SEC24B: variants seen among roughly 807,000 people sequenced by gnomAD.
SEC24B encodes SEC24 homolog B, COPII component.
A neutral mutation model predicts 142.8 loss-of-function variants in SEC24B; 45 were observed. The ratio of observed to expected loss-of-function variants is 0.32; its 90% CI spans 0.25 to 0.40. SEC24B has a LOEUF of 0.40. Ranked by LOEUF, SEC24B falls within the 10% of genes least tolerant of loss-of-function variation. The pLI, the probability that SEC24B is intolerant of heterozygous loss-of-function variation, is 1.00. For synonymous variants in SEC24B, 574 were observed against 568.2 expected (o/e 1.01, Z -0.15); for missense variants, 1,409 against 1,526.8 (o/e 0.92, Z 1.29).
rs760475621 is a variant in SEC24B at position 109,524,954 on chromosome 4, A to G, written c.2632+13A>G. Reference sequence around the variant, plus strand: ...CTTGCTTCTCTAGGTAAGGAAAGTCATCATGGGTACATTTGTTTAAATGAA... The same window carrying G: ...CTTGCTTCTCTAGGTAAGGAAAGTCGTCATGGGTACATTTGTTTAAATGAA... On this transcript the variant is annotated intron_variant, in intron 15 of 23. Coordinates refer to ENST00000265175, the MANE Select transcript of SEC24B (RefSeq NM_006323.5). 1.8e-5 allele frequency: 28 copies of G among 1,599,320 alleles called. No homozygotes were observed. In the Admixed American group the frequency reaches 4.9e-4, roughly 28 times the overall value.
At chr4:109,477,460 C>G (rs1733296197) in intron 3 of SEC24B, among the ~76,000 whole-genome samples, 1 of 151,948 alleles carries the variant, frequency 6.6e-6, no homozygotes. Flanking sequence ...TAGCTAAGGC[C>G]ACAGGCACAC....
chr4:109,534,455 C>T (rs953788789), intron 22 of SEC24B, among the ~76,000 whole-genome samples: 6 of 151,740 alleles, frequency 4.0e-5, no homozygotes, highest in East Asian at 1.9e-4. Flanking sequence ...AGCATGGTGG[C>T]GGGCGCCTGT....
intron 6 of SEC24B, among the ~76,000 whole-genome samples, chr4:109,503,966 TG>T (rs1736432855): frequency 6.6e-6 from 1 of 152,140 alleles, no homozygotes; most frequent in South Asian, 2.1e-4. Flanking sequence ...TTGGGTCTTT[TG>T]GGGGGTTTTC....
At chr4:109,508,706 G>A (rs953160301) in intron 7 of SEC24B, among the ~76,000 whole-genome samples, 5 of 152,186 alleles carry the variant, frequency 3.3e-5, no homozygotes, top group African/African-American at 9.6e-5. Flanking sequence ...CAAATAATTA[G>A]GAGTACAGGC....
chr4:109,500,744 C>G (rs1736046494), intron 6 of SEC24B, among the ~76,000 whole-genome samples: 1 of 151,978 alleles, frequency 6.6e-6, no homozygotes, highest in African/African-American at 2.4e-5. Context: ...ACCTCCACCT[C>G]CCGGGCTCAA....
chr4:109,493,941 A>G (rs574372313), intron 5 of SEC24B, among the ~76,000 whole-genome samples: 6 of 152,306 alleles, frequency 3.9e-5, no homozygotes, highest in African/African-American at 1.4e-4. Context: ...GCTACTGCAA[A>G]TAATGCATAT....
intron 4 of SEC24B, among the ~76,000 whole-genome samples, chr4:109,488,085 A>G (rs1305204567): frequency 6.6e-6 from 1 of 152,090 alleles, no homozygotes; most frequent in African/African-American, 2.4e-5. Context: ...TAGAATGCCC[A>G]TGATATTTTT....
intron 9 of SEC24B, among the ~76,000 whole-genome samples, chr4:109,512,800 T>C (rs1737498032): frequency 6.6e-6 from 1 of 151,790 alleles, no homozygotes. Context: ...TAGCTGAGAC[T>C]ACAGGCTTGC....
chr4:109,535,582 C>G (rs1266121531), intron 22 of SEC24B, among the ~76,000 whole-genome samples: 1 of 150,330 alleles, frequency 6.7e-6, no homozygotes, highest in African/African-American at 2.5e-5. Flanking sequence ...GGCGCGGTGG[C>G]TCATGCCTGT....
At chr4:109,443,486 C>G (rs186059969) in intron 1 of SEC24B, among the ~76,000 whole-genome samples, 1 of 152,264 alleles carries the variant, frequency 6.6e-6, no homozygotes, top group Admixed American at 6.5e-5. Flanking sequence ...AAGTGACCCT[C>G]CAACCTCTGC....
rs1327826163 is a variant in SEC24B at position 109,433,961 on chromosome 4, C to A, written c.92C>A (p.Pro31His). The A allele has an allele frequency of 1.6e-6, 2 of 1,233,866 alleles. No individual in the cohort carries two copies. The highest frequency in any genetic ancestry group is 2.0e-6 in the Non-Finnish European group (2 of 990,186). 76.4% of individuals were successfully genotyped at this position (1,233,866 alleles called of 1,614,324 possible). Residue 31 changes from proline to histidine, a missense_variant, in exon 1 of 24, where the codon CCC (proline) becomes CAC (histidine). Physicochemically the swap from Pro to His is moderately conservative, Grantham distance 77. Coordinates refer to ENST00000265175, the MANE Select transcript of SEC24B (RefSeq NM_006323.5). ...GCGGCCGTCTCAGGAGCCGCAGCGC[C>A]CGCGGGCCCGGGTGCGGGCCCGGCG... Reference protein sequence around the residue: ...GGAAVSGAAAPAGPGAGPAPH... With the variant: ...GGAAVSGAAAHAGPGAGPAPH...
intron 1 of SEC24B, chr4:109,450,639 C>T (rs374336751): frequency 1.0e-4 from 14 of 135,898 alleles, no homozygotes; most frequent in African/African-American, 4.0e-4. Flanking sequence ...ACCTGGGTGA[C>T]AGAGTGAGAC....
rs1433403737 is a variant in SEC24B, at chr4:109,439,579, T to C, written c.133+5577T>C. Among the ~76,000 whole-genome samples, 9 of 131,322 alleles carry C rather than the reference T, an allele frequency of 6.9e-5. No individual in the cohort carries two copies. The East Asian group carries it at 2.3e-3, about 34-fold the overall frequency. The allele number at this position is 131,322 out of a possible 152,430, so 86.2% of individuals were successfully genotyped here. A position where few individuals can be genotyped will look rare whatever the true frequency, so the allele number is the denominator to read the frequency against. On this transcript the variant is annotated intron_variant, in intron 1 of 23. Coordinates refer to ENST00000265175, the MANE Select transcript of SEC24B (RefSeq NM_006323.5). ...ATACAATGGCACAATCTCAGCTCAC[T>C]GCAACCTCCGCCTCCCGGGTTCAAG... is the stretch of plus-strand genomic sequence containing the variant.
At chr4:109,533,472 T>C (rs1032780182) in intron 21 of SEC24B, 121 bp from the exon 22 acceptor site, 6 of 697,376 alleles carry the variant, frequency 8.6e-6, no homozygotes, top group South Asian at 3.4e-5. Context: ...GTAACAATTA[T>C]AGATTTCCTT....
chr4:109,464,508 C>T (rs561313500), intron 2 of SEC24B, among the ~76,000 whole-genome samples: 2 of 152,280 alleles, frequency 1.3e-5, no homozygotes, highest in Admixed American at 1.3e-4. Context: ...ACGCGAGCTA[C>T]TGTGCCTGGC....
rs1728119876 is a variant in SEC24B at position 109,434,005 on chromosome 4, G to C, written c.133+3G>C. 1 of 1,155,842 alleles carries C rather than the reference G, an allele frequency of 8.7e-7. No individual in the cohort carries two copies. The highest frequency in any genetic ancestry group is 1.6e-5 in the African/African-American group (1 of 61,392). 71.6% of individuals were successfully genotyped at this position (1,155,842 alleles called of 1,614,324 possible). Reference sequence around the variant, plus strand: ...CCCGGCGCCGCACCAGCAGAACGGTGAGGCGGGCGGCCCGGGCGGAGCGCG... The same window carrying C: ...CCCGGCGCCGCACCAGCAGAACGGTCAGGCGGGCGGCCCGGGCGGAGCGCG... On this transcript the variant is annotated splice_donor_region_variant and intron_variant, in intron 1 of 23. Coordinates refer to ENST00000265175, the MANE Select transcript of SEC24B (RefSeq NM_006323.5).
In SEC24B at chr4:109,463,664, C is replaced by G; in HGVS notation, c.877+20C>G. ...TTACTGGTAGGTTGAATGAAAAGTT[C>G]ACCAAAACATGTTTGAAAATCAGTG... On this transcript the variant is annotated intron_variant, in intron 2 of 23. Transcript: ENST00000265175. The G allele has an allele frequency of 6.3e-7, 1 of 1,597,516 alleles. No individual in the cohort carries two copies. The highest frequency in any genetic ancestry group is 1.7e-5 in the Admixed American group (1 of 58,444).
intron 1 of SEC24B, among the ~76,000 whole-genome samples, chr4:109,461,686 C>G (rs1731272150): frequency 6.6e-6 from 1 of 152,174 alleles, no homozygotes; most frequent in African/African-American, 2.4e-5. Context: ...TAAGCATTAA[C>G]TGTAACTATA....
chr4:109,475,924 TAA>T (rs1165717165), intron 3 of SEC24B, among the ~76,000 whole-genome samples: 10 of 152,128 alleles, frequency 6.6e-5, no homozygotes, highest in Non-Finnish European at 1.2e-4. Flanking sequence ...TCTATGACTT[TAA>T]GTCTCTAAAT....
Sources: gnomAD v4.1 joint callset for allele counts (sites outside exome capture counted in the v4.1 genomes callset) on GRCh38, gnomAD v4.1.1 for gene constraint, MANE v1.5 for transcripts, NCBI Gene and HGNC (gene_info 2026-07-23, HGNC 2026-07-21) for gene names.